Variants in CTNNA3 observed in about 807,000 individuals in gnomAD.
CTNNA3 encodes the protein catenin alpha-3.
CTNNA3 carries 76 observed loss-of-function variants against 95.7 expected under a neutral mutation model. The ratio of observed to expected loss-of-function variants is 0.79; its 90% CI spans 0.66 to 0.96. CTNNA3 has a LOEUF of 0.96. Among genes scored for constraint, CTNNA3 ranks in the 40% least tolerant of loss-of-function variants. The probability of loss-of-function intolerance (pLI) is 0.00; values close to 1 mark genes in which losing one functional copy is unlikely to be tolerated. For missense variants in CTNNA3, 1,191 were observed against 1,089.8 expected (o/e 1.09, Z -1.31); for synonymous variants, 431 against 374.4 (o/e 1.15, Z -1.74).
chr10:66,814,954 C>T (rs927407469), intron 7 of CTNNA3, among the ~76,000 whole-genome samples: 9 of 149,750 alleles, frequency 6.0e-5, no homozygotes, highest in African/African-American at 9.9e-5. Context: ...TGGGTTCAAG[C>T]GATTCTCTTG....
intron 5 of CTNNA3, among the ~76,000 whole-genome samples, chr10:67,294,172 C>T (rs10823020): frequency 5.9e-5 from 9 of 151,860 alleles, no homozygotes; most frequent in Non-Finnish European, 1.0e-4. Flanking sequence ...TTTGAGTGTT[C>T]GCACAGTGTT....
intron 6 of CTNNA3, among the ~76,000 whole-genome samples, chr10:67,199,958 T>G (rs756361460): frequency 6.6e-6 from 1 of 152,158 alleles, no homozygotes; most frequent in Non-Finnish European, 1.5e-5. Flanking sequence ...AAACACTAGT[T>G]AACTACTACG....
chr10:67,074,489 T>C (rs1856643085), intron 7 of CTNNA3, among the ~76,000 whole-genome samples: 1 of 151,558 alleles, frequency 6.6e-6, no homozygotes, highest in African/African-American at 2.4e-5. Context: ...TAGCTGGGAC[T>C]ACAGGCGCCC....
At chr10:66,867,458 A>G (rs536402116) in intron 7 of CTNNA3, among the ~76,000 whole-genome samples, 3 of 111,972 alleles carry the variant, frequency 2.7e-5, no homozygotes, top group African/African-American at 4.5e-5. Flanking sequence ...GGCACTGCCC[A>G]GGACATTCCA....
At chr10:67,654,133 G>C (rs1839954080) in intron 1 of CTNNA3, among the ~76,000 whole-genome samples, 1 of 152,172 alleles carries the variant, frequency 6.6e-6, no homozygotes, top group Non-Finnish European at 1.5e-5. Context: ...ATGTGTCAGG[G>C]ACACAGAGGT....
At chr10:67,296,829 G>A (rs939299035) in intron 5 of CTNNA3, among the ~76,000 whole-genome samples, 2 of 151,152 alleles carry the variant, frequency 1.3e-5, no homozygotes, top group African/African-American at 4.9e-5. Context: ...AGCTACTTGG[G>A]AGGCTGAGGC....
intron 7 of CTNNA3, among the ~76,000 whole-genome samples, chr10:66,929,685 C>G (rs905879859): frequency 1.3e-5 from 2 of 152,196 alleles, no homozygotes; most frequent in African/African-American, 2.4e-5. Context: ...AATGTCCCTG[C>G]GTTCATCTGT....
At chr10:67,618,303 C>T (rs559523348) in intron 2 of CTNNA3, among the ~76,000 whole-genome samples, 9 of 152,296 alleles carry the variant, frequency 5.9e-5, no homozygotes, top group Admixed American at 1.3e-4. Context: ...CACATAATCC[C>T]TTGGTCCGTC....
chr10:66,004,920 T>C (rs2078850074), intron 15 of CTNNA3, among the ~76,000 whole-genome samples: 1 of 152,162 alleles, frequency 6.6e-6, no homozygotes, highest in Admixed American at 6.5e-5. Flanking sequence ...ACAATACACA[T>C]TTATTATTTT....
intron 5 of CTNNA3, among the ~76,000 whole-genome samples, chr10:67,358,524 G>C (rs1347376129): frequency 1.3e-5 from 2 of 152,128 alleles, no homozygotes; most frequent in African/African-American, 4.8e-5. Context: ...GAGTCCCTGA[G>C]TGCCAGAACA....
intron 11 of CTNNA3, among the ~76,000 whole-genome samples, chr10:66,413,893 CA>C (rs1390604628): frequency 1.3e-5 from 2 of 151,902 alleles, no homozygotes; most frequent in African/African-American, 4.8e-5. Context: ...CTTTGTTTGC[CA>C]AAAAAGACTT....
At chr10:66,508,211 T>TTTTTTTTTTTTTTTTTTTTTTTTTTTTTG (rs1491247894) in intron 11 of CTNNA3, among the ~76,000 whole-genome samples, 2 of 91,172 alleles carry the variant, frequency 2.2e-5, no homozygotes, top group Non-Finnish European at 4.1e-5. Flanking sequence ...TTGTTTTCTG[T>TTTTTTTTTTTTTTTTTTTTTTTTTTTTTG]TTTTTTTTTT....
At chr10:67,555,471 T>C (rs1327426861) in intron 3 of CTNNA3, among the ~76,000 whole-genome samples, 1 of 152,224 alleles carries the variant, frequency 6.6e-6, no homozygotes, top group Non-Finnish European at 1.5e-5. Flanking sequence ...ATCCTTCACA[T>C]ATCTTGTAAG....
chr10:67,114,433 T>TA (rs1412572517), intron 7 of CTNNA3, among the ~76,000 whole-genome samples: 1 of 152,050 alleles, frequency 6.6e-6, no homozygotes, highest in Non-Finnish European at 1.5e-5. Context: ...AAAACATGAG[T>TA]AAAAATCTAA....
intron 11 of CTNNA3, among the ~76,000 whole-genome samples, chr10:66,406,215 G>A (rs1159083274): frequency 3.3e-5 from 5 of 152,110 alleles, no homozygotes; most frequent in Non-Finnish European, 5.9e-5. Flanking sequence ...CTCCACTTTT[G>A]AGGACCATCA....
At chr10:66,561,890 T>A (rs1478300735) in intron 10 of CTNNA3, among the ~76,000 whole-genome samples, 1 of 152,068 alleles carries the variant, frequency 6.6e-6, no homozygotes, top group Non-Finnish European at 1.5e-5. Flanking sequence ...ATATTGTCAA[T>A]AACCTTTAGT....
At chr10:66,506,641 A>G (rs1249052460) in intron 11 of CTNNA3, among the ~76,000 whole-genome samples, 1 of 152,184 alleles carries the variant, frequency 6.6e-6, no homozygotes, top group East Asian at 1.9e-4. Context: ...AGTTCTCTCA[A>G]AGCAAATTCT....
chr10:66,475,002 T>A (rs952058555), intron 11 of CTNNA3, among the ~76,000 whole-genome samples: 2 of 152,172 alleles, frequency 1.3e-5, no homozygotes, highest in Admixed American at 1.3e-4. Context: ...AGACATTTAC[T>A]CTCATTCTGT....
chr10:65,953,127 C>T (rs2077653044), intron 17 of CTNNA3, among the ~76,000 whole-genome samples: 1 of 152,110 alleles, frequency 6.6e-6, no homozygotes, highest in South Asian at 2.1e-4. Flanking sequence ...TTCTTTATAG[C>T]AAGTCTCCTT....
Sources: gnomAD v4.1 joint callset for allele counts (sites outside exome capture counted in the v4.1 genomes callset) on GRCh38, gnomAD v4.1.1 for gene constraint, MANE v1.5 for transcripts, NCBI Gene and HGNC (gene_info 2026-07-23, HGNC 2026-07-21) for gene names.